PCDH12: variants seen among roughly 807,000 people sequenced by gnomAD.
PCDH12 encodes the protein protocadherin-12.
PCDH12 carries 45 observed loss-of-function variants against 70.9 expected under a neutral mutation model. The ratio of observed to expected loss-of-function variants is 0.63; its 90% CI spans 0.50 to 0.81. The LOEUF is 0.81. PCDH12 is among the 40% of genes least tolerant of loss of function. The pLI, the probability that PCDH12 is intolerant of heterozygous loss-of-function variation, is 0.00. For missense variants in PCDH12, 1,370 were observed against 1,491.7 expected (o/e 0.92, Z 1.34); for synonymous variants, 567 against 626.0 (o/e 0.91, Z 1.41).
At position 141,957,668 on chromosome 5, in the gene PCDH12, C is replaced by T. The variant is rs772840345; in HGVS notation, c.184G>A (p.Ala62Thr). ...TGCAACACCTGGAAGGCAGCCCCAG[C>T]TTGCCTCCGCCTCTCCTCCCGGCCC... ...ELGREERRRQ[A>T]GAAFQVLQLP... is the part of the protein sequence containing the mutation. The change falls in exon 1 of 4, where the codon GCT becomes ACT. Residue 62 changes from alanine (A) to threonine (T), a missense_variant. Coordinates refer to ENST00000231484, the MANE Select transcript of PCDH12 (RefSeq NM_016580.4). The surrounding 1 kb of genome is among the most constrained non-coding windows in gnomAD (Gnocchi z 4.3). 6.2e-7 allele frequency: 1 copy of T among 1,614,228 alleles called. No individual in the cohort carries two copies. Among genetic ancestry groups the T allele is most frequent in the Non-Finnish European group, 8.5e-7 (1 of 1,180,026 alleles).
chr5:141,945,242 T>G lies in PCDH12; in HGVS notation c.*139A>C, dbSNP rs746782103. 62 of 1,045,162 alleles carry G rather than the reference T, an allele frequency of 5.9e-5. No individual in the cohort carries two copies. The highest frequency in any genetic ancestry group is 8.4e-5 in the Non-Finnish European group (60 of 717,586). 64.7% of individuals were successfully genotyped at this position (1,045,162 alleles called of 1,614,324 possible). ...AGCTGTTAGTCCTGGGGCTCTTGCC[T>G]CCTCTGTGGGGGTAGCATCAGTCAC... On this transcript the variant is annotated 3_prime_UTR_variant, in exon 4 of 4. Coordinates refer to ENST00000231484, the MANE Select transcript of PCDH12 (RefSeq NM_016580.4).
chr5:141,951,694 C>T (rs1305458865), intron 1 of PCDH12, 104 bp from the exon 2 acceptor site: 2 of 842,144 alleles, frequency 2.4e-6, no homozygotes, highest in Non-Finnish European at 4.0e-6. Flanking sequence ...ATAGTCTTTC[C>T]TCTGGCTTCA....
rs182860036 is a variant in PCDH12 at position 141,955,067 on chromosome 5, G to A, written c.2785C>T (p.Arg929Cys). The stretch of plus-strand genomic sequence containing the variant: ...CGGACCAGGCTCCGCAGGATCTGAC[G>A]GGGCCCTGATTCTTTCTCAGGGGAC... ...KVSPEKESGP[R>C]QILRSLVRLS... The change falls in exon 1 of 4, where the codon CGT becomes TGT. Residue 929 changes from arginine to cysteine, a missense_variant. Physicochemically the swap from Arg to Cys is radical, Grantham distance 180. Transcript: ENST00000231484. The surrounding 1 kb of genome is among the most constrained non-coding windows in gnomAD (Gnocchi z 5.5). The A allele has an allele frequency of 3.0e-5, 48 of 1,614,226 alleles. No homozygotes were observed. Among genetic ancestry groups the A allele is most frequent in the Admixed American group, 1.7e-4 (10 of 60,030 alleles).
chr5:141,957,006 G>A lies in PCDH12; in HGVS notation c.846C>T (p.Phe282=). 6.2e-7 allele frequency: 1 copy of A among 1,614,190 alleles called. No individual in the cohort carries two copies. The highest frequency in any genetic ancestry group is 8.5e-7 in the Non-Finnish European group (1 of 1,180,040). The change falls in exon 1 of 4, where the codon TTC becomes TTT. Residue 282 remains phenylalanine, a synonymous_variant. Coordinates refer to ENST00000231484, the MANE Select transcript of PCDH12 (RefSeq NM_016580.4). This position sits in a 1 kb window ranked among gnomAD's most constrained non-coding sequence, Gnocchi z 4.3. ...DQGPNGEVEF[F]LSKHMPPEVL... is the part of the protein sequence containing the mutation. ...CCTCTGGAGGCATGTGCTTACTGAGGAAGAACTCCACCTCCCCATTGGGGC... is the reference window on the plus strand; with the variant it reads ...CCTCTGGAGGCATGTGCTTACTGAGAAAGAACTCCACCTCCCCATTGGGGC...
At position 141,957,332 on chromosome 5, in the gene PCDH12, G is replaced by C. The variant is rs766519731; in HGVS notation, c.520C>G (p.Leu174Val). ...AAGGCAAAGTGCTCACTGGGAGACA[G>C]AGTGTAGGTGTGCAGGGTGTTAGGG... is the stretch of plus-strand genomic sequence containing the variant. Reference protein sequence around the residue: ...TGPNTLHTYTLSPSEHFALDV... With the variant: ...TGPNTLHTYTVSPSEHFALDV... The change falls in exon 1 of 4, where the codon CTG becomes GTG. Residue 174 changes from leucine (L) to valine (V), a missense_variant. Coordinates refer to ENST00000231484, the MANE Select transcript of PCDH12 (RefSeq NM_016580.4). This position sits in a 1 kb window ranked among gnomAD's most constrained non-coding sequence, Gnocchi z 4.3. 3 of 1,613,616 alleles carry C rather than the reference G, an allele frequency of 1.9e-6. No individual in the cohort carries two copies. Among genetic ancestry groups the C allele is most frequent in the Non-Finnish European group, 1.7e-6 (2 of 1,179,730 alleles).
Position 141,945,784 on chromosome 5 carries a change from C to T in PCDH12, c.3152G>A (p.Ser1051Asn), listed in dbSNP as rs1417251295. 1 of 1,612,790 alleles carries T rather than the reference C, an allele frequency of 6.2e-7. No individual in the cohort carries two copies. The highest frequency in any genetic ancestry group is 1.3e-5 in the African/African-American group (1 of 74,912). ...PSTGLALDRL[S>N]APDPAWMARL... The stretch of plus-strand genomic sequence containing the variant: ...CGCCATCCAGGCCGGGTCAGGGGCG[C>T]TCAGCCGGTCCAGGGCCAGACCTGT... Residue 1051 changes from serine to asparagine, a missense_variant, in exon 4 of 4, where the codon AGC becomes AAC. Physicochemically the swap from Ser to Asn is conservative, Grantham distance 46. Coordinates refer to ENST00000231484, the MANE Select transcript of PCDH12 (RefSeq NM_016580.4).
chr5:141,956,157 C>A lies in PCDH12; in HGVS notation c.1695G>T (p.Val565=). 1 of 1,614,164 alleles carries A rather than the reference C, an allele frequency of 6.2e-7. No individual in the cohort carries two copies. The highest frequency in any genetic ancestry group is 8.5e-7 in the Non-Finnish European group (1 of 1,180,036). The change falls in exon 1 of 4, where the codon GTG becomes GTT. Residue 565 remains valine (V), a synonymous_variant. Transcript: ENST00000231484. ...TTCCATCGCTGAGCACAGGCTGGAC[C>A]ACCTCTGGGGCATTATCATTGGCAT... The part of the protein sequence containing the change: ...LLDANDNAPE[V]VQPVLSDGKA...
chr5:141,951,347 G>C (rs1436690458), intron 2 of PCDH12, 146 bp downstream of exon 2: 3 of 642,896 alleles, frequency 4.7e-6, no homozygotes, highest in Admixed American at 2.6e-5. Flanking sequence ...AAACTCCCAG[G>C]GTGGGAGGAT....
Position 141,945,628 on chromosome 5 carries a change from G to A in PCDH12, c.3308C>T (p.Thr1103Met), listed in dbSNP as rs768111243. The A allele has an allele frequency of 2.2e-5, 36 of 1,614,060 alleles. No homozygotes were observed. The highest frequency in any genetic ancestry group is 2.0e-5 in the Non-Finnish European group (24 of 1,180,034). ...CGAGACAAAGGTGCTGGCCAGCCTC[G>A]TGCCTGTTGGGCTCAGCTCTGGTGC... ...AEAPELSPTG[T>M]RLASTFVSEM... The change falls in exon 4 of 4, where the codon ACG becomes ATG. Residue 1103 changes from threonine to methionine, a missense_variant. Thr to Met is a moderately conservative substitution (Grantham distance 81). Transcript: ENST00000231484.
chr5:141,953,088 C>G (rs964299882), intron 1 of PCDH12: 1 of 152,278 alleles, frequency 6.6e-6, no homozygotes, highest in African/African-American at 2.4e-5. Context: ...TGACAGCTGC[C>G]TTTTCATGAC....
intron 3 of PCDH12, among the ~76,000 whole-genome samples, chr5:141,947,645 G>T (rs374040283): frequency 6.6e-6 from 1 of 152,336 alleles, no homozygotes; most frequent in East Asian, 1.9e-4. Context: ...ACAGTAGTAC[G>T]TATCTTGTGG....
rs764333172 is a variant in PCDH12 at position 141,955,292 on chromosome 5, T to C, written c.2560A>G (p.Arg854Gly). ...TTCTCCCGGGAGGCATTCCTCTGCC[T>C]GGGATGGTTGAAAAGGAGGTTGACC... ...DTVNLLFNHP[R>G]QRNASRENLN... The change falls in exon 1 of 4, where the codon AGG (arginine) becomes GGG (glycine). Residue 854 changes from arginine to glycine, a missense_variant. Transcript: ENST00000231484. This position sits in a 1 kb window ranked among gnomAD's most constrained non-coding sequence, Gnocchi z 5.5. 1.2e-6 allele frequency: 2 copies of C among 1,614,184 alleles called. No homozygotes were observed. Among genetic ancestry groups the C allele is most frequent in the Non-Finnish European group, 1.7e-6 (2 of 1,180,022 alleles).
intron 1 of PCDH12, among the ~76,000 whole-genome samples, chr5:141,953,725 G>C (rs890590318): frequency 6.6e-6 from 1 of 152,254 alleles, no homozygotes; most frequent in Admixed American, 6.5e-5. Context: ...TGGATGAATG[G>C]AAGGATAAAT....
In PCDH12 at chr5:141,957,981, T is replaced by G; in HGVS notation, c.-130A>C. ...CCCCAGAGCTGCCGGCACAACCTTG[T>G]CCCATAGTTAGATGATTATGAAACA... On this transcript the variant is annotated 5_prime_UTR_variant, in exon 1 of 4. Coordinates refer to ENST00000231484, the MANE Select transcript of PCDH12 (RefSeq NM_016580.4). The surrounding 1 kb of genome is among the most constrained non-coding windows in gnomAD (Gnocchi z 4.3). The G allele has an allele frequency of 9.6e-7, 1 of 1,044,448 alleles. No homozygotes were observed. Among genetic ancestry groups the G allele is most frequent in the Non-Finnish European group, 1.4e-6 (1 of 731,806 alleles). The allele number at this position is 1,044,448 out of a possible 1,614,324, so 64.7% of individuals were successfully genotyped here.
chr5:141,953,171 C>G (rs1167570575), intron 1 of PCDH12: 1 of 152,196 alleles, frequency 6.6e-6, no homozygotes, highest in Admixed American at 6.5e-5. Context: ...AGCCCAGACT[C>G]GAATCAGTCA....
In PCDH12 at chr5:141,951,503, C is replaced by G; in HGVS notation, c.2968G>C (p.Gly990Arg). 2 of 1,614,092 alleles carry G rather than the reference C, an allele frequency of 1.2e-6. No individual in the cohort carries two copies. Among genetic ancestry groups the G allele is most frequent in the South Asian group, 2.2e-5 (2 of 91,070 alleles). The part of the protein sequence containing the change: ...HRGNKYLAKP[G>R]GSRSAIPDTD... ...CTACGTGCTGCTTACCTGCTGCCTC[C>G]TGGCTTGGCCAAGTACTTATTTCCT... The change falls in exon 2 of 4, where the codon GGA (glycine) becomes CGA (arginine). Residue 990 changes from glycine (G) to arginine (R), a missense_variant. Gly to Arg is a moderately radical substitution (Grantham distance 125). Transcript: ENST00000231484.
rs1752866193 is a variant in PCDH12, at chr5:141,944,926, C to T, written c.*455G>A. The T allele has an allele frequency of 5.9e-6, 1 of 169,734 alleles. No homozygotes were observed. The highest frequency in any genetic ancestry group is 1.5e-4 in the South Asian group (1 of 6,586). 10.5% of individuals were successfully genotyped at this position (169,734 alleles called of 1,614,324 possible). ...ATGACAAATAAACCCCACTCTATTA[C>T]TCTTCCCTTCTCCCTCTTGACAGGT... On this transcript the variant is annotated 3_prime_UTR_variant, in exon 4 of 4. Coordinates refer to ENST00000231484, the MANE Select transcript of PCDH12 (RefSeq NM_016580.4).
chr5:141,955,861 C>T lies in PCDH12; in HGVS notation c.1991G>A (p.Ser664Asn), dbSNP rs993035116. ...CTCCCACTCACTCCCAATGAGGCTG[C>T]TGGCATTGGTGACATTGACGAACAG... ...GQLFVNVTNA[S>N]SLIGSEWELE... is the part of the protein sequence containing the mutation. Residue 664 changes from serine to asparagine, a missense_variant, in exon 1 of 4, where the codon AGC (serine) becomes AAC (asparagine). Transcript: ENST00000231484. This position sits in a 1 kb window ranked among gnomAD's most constrained non-coding sequence, Gnocchi z 5.5. 1 of 1,614,066 alleles carries T rather than the reference C, an allele frequency of 6.2e-7. No homozygotes were observed. Among genetic ancestry groups the T allele is most frequent in the Admixed American group, 1.7e-5 (1 of 60,016 alleles).
chr5:141,956,376 A>T lies in PCDH12; in HGVS notation c.1476T>A (p.Asn492Lys). 1 of 1,614,234 alleles carries T rather than the reference A, an allele frequency of 6.2e-7. No homozygotes were observed. The highest frequency in any genetic ancestry group is 8.5e-7 in the Non-Finnish European group (1 of 1,180,042). Residue 492 changes from asparagine to lysine, a missense_variant, in exon 1 of 4, where the codon AAT becomes AAA. Physicochemically the swap from Asn to Lys is moderately conservative, Grantham distance 94. Coordinates refer to ENST00000231484, the MANE Select transcript of PCDH12 (RefSeq NM_016580.4). ...CCTGGATGCGGTATGAGACTTTTCC[A>T]TTAATGCCCAAGTCTGCATCATGAG... ...IKAHDADLGI[N>K]GKVSYRIQDS... is the part of the protein sequence containing the mutation.
Sources: gnomAD v4.1 joint callset for allele counts (sites outside exome capture counted in the v4.1 genomes callset) on GRCh38, gnomAD v4.1.1 for gene constraint, Gnocchi (gnomAD v3.1) non-coding constraint, MANE v1.5 for transcripts, NCBI Gene and HGNC (gene_info 2026-07-23, HGNC 2026-07-21) for gene names.